Variants in VAV3 observed in about 807,000 individuals in gnomAD.
VAV3 encodes the protein guanine nucleotide exchange factor VAV3.
In VAV3, 94 loss-of-function variants were observed where a neutral mutation model predicts 131.2. The observed-to-expected ratio is 0.72, with a 90% CI of 0.61 to 0.85. VAV3 has a LOEUF of 0.85. Ranked by LOEUF, VAV3 falls within the 40% of genes least tolerant of loss-of-function variation. VAV3 has a pLI of 0.00. For synonymous variants in VAV3, 349 were observed against 342.0 expected, an observed-to-expected ratio of 1.02 and a Z score of -0.22; for missense variants, 939 against 1,002.7, an observed-to-expected ratio of 0.94 and a Z score of 0.86.
intron 2 of VAV3, among the ~76,000 whole-genome samples, chr1:107,834,480 C>T (rs1041775968): frequency 7.9e-5 from 12 of 151,880 alleles, no homozygotes; most frequent in African/African-American, 2.7e-4. Context: ...ATCTGGAGTA[C>T]TGTCAATTAG....
chr1:107,720,280 G>A (rs552504423), intron 15 of VAV3, among the ~76,000 whole-genome samples: 8 of 151,916 alleles, frequency 5.3e-5, no homozygotes, highest in Admixed American at 4.6e-4. Flanking sequence ...CTACTTGAGA[G>A]GCTGAGGTGA....
intron 1 of VAV3, among the ~76,000 whole-genome samples, chr1:107,883,226 T>C (rs1192861167): frequency 6.6e-6 from 1 of 152,200 alleles, no homozygotes; most frequent in African/African-American, 2.4e-5. Flanking sequence ...AGGGCTAAAT[T>C]GTAAAAACAC....
At chr1:107,649,763 A>G (rs960358787) in intron 19 of VAV3, among the ~76,000 whole-genome samples, 4 of 152,132 alleles carry the variant, frequency 2.6e-5, no homozygotes, top group Admixed American at 2.6e-4. Context: ...CTATGGGTTC[A>G]TTCACTTATT....
chr1:107,949,083 T>C (rs1674410086), intron 1 of VAV3, among the ~76,000 whole-genome samples: 1 of 152,214 alleles, frequency 6.6e-6, no homozygotes, highest in Admixed American at 6.5e-5. Flanking sequence ...ATTTCTATTA[T>C]ACCATGCTGC....
chr1:107,875,040 T>C (rs1315246244), intron 1 of VAV3, 23 bp from the exon 2 acceptor site: 2 of 1,588,230 alleles, frequency 1.3e-6, no homozygotes, highest in East Asian at 2.2e-5. Context: ...AAAGAGCTGT[T>C]AGCATAAAGT....
At chr1:107,927,741 G>C (rs770802677) in intron 1 of VAV3, among the ~76,000 whole-genome samples, 13 of 151,502 alleles carry the variant, frequency 8.6e-5, no homozygotes, top group Non-Finnish European at 1.6e-4. Context: ...CTTGTGGTTT[G>C]TATGCCAGCT....
chr1:107,921,047 T>G (rs1672874498), intron 1 of VAV3, among the ~76,000 whole-genome samples: 1 of 152,244 alleles, frequency 6.6e-6, no homozygotes, highest in South Asian at 2.1e-4. Context: ...GCAATTCACC[T>G]TCACTCTGCT....
chr1:107,885,335 C>T (rs528496983), intron 1 of VAV3, among the ~76,000 whole-genome samples: 1 of 151,790 alleles, frequency 6.6e-6, no homozygotes, highest in South Asian at 2.1e-4. Context: ...TAATGGCAGA[C>T]TAATGCTAAT....
At chr1:107,914,779 T>A (rs1672532339) in intron 1 of VAV3, among the ~76,000 whole-genome samples, 1 of 152,164 alleles carries the variant, frequency 6.6e-6, no homozygotes, top group Non-Finnish European at 1.5e-5. Context: ...GCCAGCACTG[T>A]ACTAAATACT....
intron 19 of VAV3, among the ~76,000 whole-genome samples, chr1:107,655,227 T>C (rs552642304): frequency 6.6e-6 from 1 of 152,050 alleles, no homozygotes; most frequent in East Asian, 1.9e-4. Flanking sequence ...CAAAATATAA[T>C]ACAAATCTAT....
intron 15 of VAV3, among the ~76,000 whole-genome samples, chr1:107,716,609 T>C (rs1302595689): frequency 3.9e-5 from 6 of 152,220 alleles, no homozygotes; most frequent in Non-Finnish European, 8.8e-5. Flanking sequence ...GGATAAGCTT[T>C]TTGATGTGCT....
chr1:107,573,321 G>C lies in VAV3; in HGVS notation c.*10C>G. On this transcript the variant is annotated 3_prime_UTR_variant, in exon 27 of 27. Transcript: ENST00000370056. ...AATTTTTGGTGCAGGGTGCAACACG[G>C]GATTTGAATTTATTCATCCTCTTCC... The C allele has an allele frequency of 6.2e-7, 1 of 1,613,890 alleles. No homozygotes were observed. The highest frequency in any genetic ancestry group is 8.5e-7 in the Non-Finnish European group (1 of 1,179,962).
chr1:107,573,922 C>CA (rs1313402554), intron 26 of VAV3, 125 bp downstream of exon 26: 1 of 1,272,322 alleles, frequency 7.9e-7, no homozygotes, highest in East Asian at 2.5e-5. Flanking sequence ...TTCCAGAGGG[C>CA]AGAGGCCTGT....
chr1:107,914,250 T>C (rs889635545), intron 1 of VAV3, among the ~76,000 whole-genome samples: 2 of 152,072 alleles, frequency 1.3e-5, no homozygotes, highest in African/African-American at 4.8e-5. Context: ...CAGACAGAAA[T>C]GTACCCATGA....
At chr1:107,600,217 C>T (rs1651734899) in intron 24 of VAV3, among the ~76,000 whole-genome samples, 1 of 152,168 alleles carries the variant, frequency 6.6e-6, no homozygotes, top group African/African-American at 2.4e-5. Flanking sequence ...TAAATTTGCT[C>T]AACAAATGAA....
At chr1:107,860,564 G>A (rs1246470022) in intron 2 of VAV3, among the ~76,000 whole-genome samples, 3 of 151,472 alleles carry the variant, frequency 2.0e-5, no homozygotes, top group Admixed American at 6.6e-5. Flanking sequence ...TTGGTATGAT[G>A]ATAGTGTCCC....
chr1:107,882,199 T>TA (rs1670815883), intron 1 of VAV3, among the ~76,000 whole-genome samples: 7 of 152,170 alleles, frequency 4.6e-5, no homozygotes. Context: ...CGGTGAGTGC[T>TA]AATAGACCTT....
chr1:107,867,022 A>C (rs1412792923), intron 2 of VAV3, among the ~76,000 whole-genome samples: 1 of 152,130 alleles, frequency 6.6e-6, no homozygotes, highest in East Asian at 1.9e-4. Flanking sequence ...TATCATGTGC[A>C]AATATGAGAA....
Position 107,749,444 on chromosome 1 carries a change from T to C in VAV3, c.1392+18A>G, listed in dbSNP as rs376458921. 143 of 1,584,728 alleles carry C rather than the reference T, an allele frequency of 9.0e-5. No homozygotes were observed. The Admixed American group carries it at 1.1e-3, about 12-fold the overall frequency. On this transcript the variant is annotated intron_variant, in intron 14 of 26. Coordinates refer to ENST00000370056, the MANE Select transcript of VAV3 (RefSeq NM_006113.5). ...AAGATTATAAGTAAATTACAGTTATTAGTTTCCAAAAAGTCACCTTTTTGT... is the reference window on the plus strand; with the variant it reads ...AAGATTATAAGTAAATTACAGTTATCAGTTTCCAAAAAGTCACCTTTTTGT...
Sources: allele counts gnomAD v4.1 joint callset (sites outside exome capture counted in the v4.1 genomes callset), GRCh38; gene constraint gnomAD v4.1.1; transcripts MANE v1.5; gene names NCBI Gene and HGNC (gene_info 2026-07-23, HGNC 2026-07-21).